Variants in SLC25A53 observed in about 807,000 individuals in gnomAD.
The protein encoded by SLC25A53 is solute carrier family 25 member 53.
A neutral mutation model predicts 15.0 loss-of-function variants in SLC25A53; 5 were observed. That is an observed-to-expected ratio of 0.33 (90% confidence interval 0.17 to 0.70). SLC25A53 has a LOEUF of 0.70. SLC25A53 is among the 30% of genes least tolerant of loss of function. The pLI, the probability that SLC25A53 is intolerant of heterozygous loss-of-function variation, is 0.67. For synonymous variants in SLC25A53, 95 were observed against 100.0 expected (o/e 0.95, Z 0.30); for missense variants, 216 against 241.6 (o/e 0.89, Z 0.70).
chrX:104,131,751 A>G (rs1395916741), intron 1 of SLC25A53, among the ~76,000 whole-genome samples: 3 of 110,793 alleles, frequency 2.7e-5, no homozygotes, highest in African/African-American at 9.9e-5. Flanking sequence ...TATCAACTAC[A>G]CCTATAGCCT....
chrX:104,114,055 G>C, intron 1 of SLC25A53: 6 of 1,206,638 alleles, frequency 5.0e-6, no homozygotes, highest in South Asian at 3.6e-5. Flanking sequence ...TGCAGATAAG[G>C]CTTTTCCAAA....
chrX:104,145,799 A>T (rs1448566362), intron 1 of SLC25A53, among the ~76,000 whole-genome samples: 1 of 112,157 alleles, frequency 8.9e-6, no homozygotes. Flanking sequence ...ACAGGTTCTG[A>T]AATTGAGGCA....
intron 1 of SLC25A53, among the ~76,000 whole-genome samples, chrX:104,126,696 C>T (rs1247011171): frequency 9.0e-6 from 1 of 111,495 alleles, no homozygotes; most frequent in Non-Finnish European, 1.9e-5. Flanking sequence ...TGAGCATGAA[C>T]ATGAATAGAA....
At chrX:104,119,465 C>A (rs1396304413) in intron 1 of SLC25A53, among the ~76,000 whole-genome samples, 2 of 111,185 alleles carry the variant, frequency 1.8e-5, no homozygotes, top group African/African-American at 6.5e-5. Flanking sequence ...GAAACATTGG[C>A]AACAAATATC....
intron 1 of SLC25A53, among the ~76,000 whole-genome samples, chrX:104,108,736 G>A (rs1556357191): frequency 9.0e-6 from 1 of 111,615 alleles, no homozygotes; most frequent in African/African-American, 3.3e-5. Context: ...AGTCCACATG[G>A]GTAGACTGTG....
intron 1 of SLC25A53, among the ~76,000 whole-genome samples, chrX:104,155,999 C>T (rs894620535): frequency 4.0e-5 from 4 of 100,425 alleles, no homozygotes; most frequent in Non-Finnish European, 5.9e-5. Context: ...TTGCAGTGAG[C>T]GGAGATCACG....
chrX:104,124,600 A>G (rs932812452), intron 1 of SLC25A53, among the ~76,000 whole-genome samples: 2 of 109,923 alleles, frequency 1.8e-5, no homozygotes, highest in Middle Eastern at 4.6e-3. Context: ...ATAAAAATGA[A>G]AAAATTAGCC....
chrX:104,139,390 G>C (rs781956245), intron 1 of SLC25A53, among the ~76,000 whole-genome samples: 109 of 112,218 alleles, frequency 9.7e-4, no homozygotes, highest in South Asian at 3.7e-3. Flanking sequence ...GGTGGCACAT[G>C]CCTGTAATCC....
At chrX:104,153,466 T>C (rs1252112150) in intron 1 of SLC25A53, among the ~76,000 whole-genome samples, 1 of 111,796 alleles carries the variant, frequency 8.9e-6, no homozygotes, top group African/African-American at 3.3e-5. Flanking sequence ...CTGTATTTCT[T>C]CTAAAGGGAG....
chrX:104,111,548 C>T, intron 1 of SLC25A53, among the ~76,000 whole-genome samples: 1 of 110,886 alleles, frequency 9.0e-6, no homozygotes, highest in East Asian at 2.8e-4. Flanking sequence ...AGAAAAGTAC[C>T]AAGAAGAGTT....
At chrX:104,145,487 T>C (rs1456279713) in intron 1 of SLC25A53, among the ~76,000 whole-genome samples, 2 of 110,458 alleles carry the variant, frequency 1.8e-5, no homozygotes, top group African/African-American at 3.3e-5. Flanking sequence ...GATAGAGACA[T>C]GAAAACCCCT....
At chrX:104,105,414 A>G in intron 1 of SLC25A53, 126 bp from the exon 2 acceptor site, 1 of 434,768 alleles carries the variant, frequency 2.3e-6, no homozygotes. Flanking sequence ...TCTTTGAGCC[A>G]GTTTCTGATA....
At chrX:104,153,392 C>T (rs2075491401) in intron 1 of SLC25A53, among the ~76,000 whole-genome samples, 1 of 110,881 alleles carries the variant, frequency 9.0e-6, no homozygotes, top group African/African-American at 3.3e-5. Flanking sequence ...CCATTATAAT[C>T]TTCTGGGACT....
At chrX:104,126,141 T>C (rs1556364256) in intron 1 of SLC25A53, among the ~76,000 whole-genome samples, 1 of 109,542 alleles carries the variant, frequency 9.1e-6, no homozygotes, top group Non-Finnish European at 1.9e-5. Flanking sequence ...ACCCAGTCTC[T>C]ATACAAAAAA....
chrX:104,142,953 T>C (rs2075455279), intron 1 of SLC25A53, among the ~76,000 whole-genome samples: 1 of 106,397 alleles, frequency 9.4e-6, no homozygotes, highest in South Asian at 4.1e-4. Flanking sequence ...AGGCGGGTGA[T>C]TTCTGCATTT....
chrX:104,116,877 T>A (rs1352775132), intron 1 of SLC25A53, among the ~76,000 whole-genome samples: 2 of 110,994 alleles, frequency 1.8e-5, no homozygotes, highest in East Asian at 5.7e-4. Context: ...CTATCCCCAC[T>A]GCTCCATCCA....
chrX:104,141,134 G>A (rs1315331052), intron 1 of SLC25A53, among the ~76,000 whole-genome samples: 1 of 111,677 alleles, frequency 9.0e-6, no homozygotes, highest in Non-Finnish European at 1.9e-5. Flanking sequence ...CCAAAAGCTT[G>A]CAGCGATCTA....
intron 1 of SLC25A53, among the ~76,000 whole-genome samples, chrX:104,120,236 G>T (rs1034930939): frequency 1.8e-5 from 2 of 111,458 alleles, no homozygotes; most frequent in Non-Finnish European, 3.8e-5. Context: ...ATGTAGGAGA[G>T]GAATTGCTGG....
chrX:104,112,542 C>T (rs1326071163), intron 1 of SLC25A53: 2 of 113,814 alleles, frequency 1.8e-5, no homozygotes, highest in Admixed American at 9.1e-5. Flanking sequence ...TCTCAGTCGC[C>T]AGAGACTGAA....
Sources: gnomAD v4.1 joint callset for allele counts (sites outside exome capture counted in the v4.1 genomes callset) on GRCh38, gnomAD v4.1.1 for gene constraint, MANE v1.5 for transcripts, NCBI Gene and HGNC (gene_info 2026-07-23, HGNC 2026-07-21) for gene names.